IRF9: variants seen among roughly 807,000 people sequenced by gnomAD.
The protein encoded by IRF9 is IFN-alpha-responsive transcription factor subunit.
Under a neutral mutation model 44.1 loss-of-function variants are expected in IRF9, and 13 were observed. The observed-to-expected ratio is 0.29, with a 90% CI of 0.19 to 0.47. The LOEUF is 0.47. Among genes scored for constraint, IRF9 ranks in the 20% least tolerant of loss-of-function variants. IRF9 has a pLI of 1.00. For missense variants in IRF9, 373 were observed against 496.1 expected, an observed-to-expected ratio of 0.75 and a Z score of 2.36; for synonymous variants, 189 against 188.5, an observed-to-expected ratio of 1.00 and a Z score of -0.02.
rs765350851 is a variant in IRF9, at chr14:24,165,919, G to T, written c.1064G>T (p.Ser355Ile). The T allele has an allele frequency of 1.9e-5, 31 of 1,614,060 alleles. No individual in the cohort carries two copies. The highest frequency in any genetic ancestry group is 2.6e-5 in the Non-Finnish European group (31 of 1,180,028). Residue 355 changes from serine to isoleucine, a missense_variant, in exon 8 of 9, where the codon AGC becomes ATC. By Grantham distance (142) the Ser-to-Ile change is moderately radical. Around this residue, in one of 2 missense-constraint regions of IRF9, gnomAD observed 146 missense variants for 240.8 expected, o/e 0.61. Transcript: ENST00000396864. ...GTAACACTGAATTTCTGGGAAGAGA[G>T]CCATGGCTCCAGCCATACTCCACAG... ...FQVTLNFWEESHGSSHTPQNL... is the reference protein window; with the variant it reads ...FQVTLNFWEEIHGSSHTPQNL...
Position 24,163,970 on chromosome 14 carries a change from C to G in IRF9, c.577+11C>G, listed in dbSNP as rs1166126844. 8 of 1,609,102 alleles carry G rather than the reference C, an allele frequency of 5.0e-6. No individual in the cohort carries two copies. Among genetic ancestry groups the G allele is most frequent in the Non-Finnish European group, 6.8e-6 (8 of 1,177,668 alleles). On this transcript the variant is annotated intron_variant, in intron 5 of 8. Coordinates refer to ENST00000396864, the MANE Select transcript of IRF9 (RefSeq NM_006084.5). ...CTGAGCCACAGGAAGGTACCACCTG[C>G]CCTGCCTCTTGTGTCGTCCCCCATG...
chr14:24,165,596 C>A, intron 7 of IRF9: 1 of 557,316 alleles, frequency 1.8e-6, no homozygotes, highest in South Asian at 2.2e-5. Context: ...ACTCTAAACT[C>A]TCCCAGCAGA....
chr14:24,163,312 C>A (rs906246456), intron 3 of IRF9, 66 bp from the exon 4 acceptor site: 7 of 1,579,742 alleles, frequency 4.4e-6, no homozygotes, highest in Non-Finnish European at 5.2e-6. Flanking sequence ...CTGCCTCAGA[C>A]CTCTCCTTCA....
At chr14:24,163,572 G>A in intron 4 of IRF9, 64 bp downstream of exon 4, 1 of 1,556,902 alleles carries the variant, frequency 6.4e-7, no homozygotes, top group South Asian at 1.2e-5. Context: ...GGAGAGGTGG[G>A]CCAATGAAAG....
intron 7 of IRF9, chr14:24,165,221 A>C (rs1034261461): frequency 2.8e-6 from 2 of 702,206 alleles, no homozygotes; most frequent in Non-Finnish European, 5.2e-6. Context: ...CTTGGAGAAC[A>C]CCATCACACT....
At position 24,166,425 on chromosome 14, in the gene IRF9, A is replaced by G. The variant is rs2038524050; in HGVS notation, c.*229A>G. 4 of 578,868 alleles carry G rather than the reference A, an allele frequency of 6.9e-6. No homozygotes were observed. In the East Asian group the frequency reaches 8.6e-5, roughly 12 times the overall value. 35.9% of individuals were successfully genotyped at this position (578,868 alleles called of 1,614,324 possible). A position where few individuals can be genotyped will look rare whatever the true frequency, so the allele number is the denominator to read the frequency against. The stretch of plus-strand genomic sequence containing the variant: ...AGATATACGCCCTCTTTCATCTGTA[A>G]GGGACTAGGAAATTCCAAATGGTGT... On this transcript the variant is annotated 3_prime_UTR_variant, in exon 9 of 9. Coordinates refer to ENST00000396864, the MANE Select transcript of IRF9 (RefSeq NM_006084.5).
chr14:24,163,925 C>T lies in IRF9; in HGVS notation c.543C>T (p.Ser181=). 1 of 1,574,484 alleles carries T rather than the reference C, an allele frequency of 6.4e-7. No individual in the cohort carries two copies. The highest frequency in any genetic ancestry group is 1.7e-4 in the Middle Eastern group (1 of 5,888). Residue 181 remains serine (S), a synonymous_variant, in exon 5 of 9, where the codon AGC becomes AGT. Transcript: ENST00000396864. ...SGGAVHSDIG[S]SSSSSSPEPQ... ...GAGCAGTCCATTCAGACATTGGGAGCAGCAGCAGCAGCAGCAGCCCTGAGC... is the reference window on the plus strand; with the variant it reads ...GAGCAGTCCATTCAGACATTGGGAGTAGCAGCAGCAGCAGCAGCCCTGAGC...
chr14:24,165,988 C>T, intron 8 of IRF9, 26 bp downstream of exon 8: 3 of 1,598,516 alleles, frequency 1.9e-6, no homozygotes, highest in Non-Finnish European at 2.6e-6. Flanking sequence ...GGGTAGAGTA[C>T]CCATCTAATG....
In IRF9 at chr14:24,163,516, A is replaced by G; in HGVS notation, c.495+8A>G. 6.2e-7 allele frequency: 1 copy of G among 1,613,430 alleles called. No individual in the cohort carries two copies. Among genetic ancestry groups the G allele is most frequent in the Non-Finnish European group, 8.5e-7 (1 of 1,179,560 alleles). On this transcript the variant is annotated splice_region_variant and intron_variant, in intron 4 of 8. Coordinates refer to ENST00000396864, the MANE Select transcript of IRF9 (RefSeq NM_006084.5). ...CAGGACTCCCTCAATAATGTAAGAG[A>G]TGGAGAGGGAACTGGGTGGGCCTAA...
In IRF9 at chr14:24,164,322, C is replaced by A; in HGVS notation, c.649+188C>A. On this transcript the variant is annotated intron_variant, in intron 6 of 8. Coordinates refer to ENST00000396864, the MANE Select transcript of IRF9 (RefSeq NM_006084.5). This position sits in a 1 kb window ranked among gnomAD's most constrained non-coding sequence, Gnocchi z 5.2. ...GCCAGACTCCAAAAAGCTTGCTTCC[C>A]AAAAATACCACCCTATACACTCTCC... 1.6e-6 allele frequency: 1 copy of A among 635,270 alleles called. No individual in the cohort carries two copies. The highest frequency in any genetic ancestry group is 2.8e-6 in the Non-Finnish European group (1 of 359,380). 39.4% of individuals were successfully genotyped at this position (635,270 alleles called of 1,614,324 possible).
rs145709755 is a variant in IRF9 at position 24,164,636 on chromosome 14, C to T, written c.672C>T (p.Phe224=). 6.2e-7 allele frequency: 1 copy of T among 1,607,844 alleles called. No individual in the cohort carries two copies. Among genetic ancestry groups the T allele is most frequent in the African/African-American group, 1.3e-5 (1 of 74,856 alleles). Residue 224 remains phenylalanine (F), a synonymous_variant, in exon 7 of 9, where the codon TTC becomes TTT. Transcript: ENST00000396864. This position sits in a 1 kb window ranked among gnomAD's most constrained non-coding sequence, Gnocchi z 5.2. ...PEPDYSLLLT[F]IYNGRVVGEA... ...CAGACTACTCACTGCTGCTCACCTT[C>T]ATCTACAACGGGCGCGTGGTGGGCG... is the stretch of plus-strand genomic sequence containing the variant.
In IRF9 at chr14:24,163,922, G is replaced by GAGCAGC. The variant is rs746378882; in HGVS notation, c.556_561dup (p.Ser186_Ser187dup). ...GGGGAGCAGTCCATTCAGACATTGG[G>GAGCAGC]AGCAGCAGCAGCAGCAGCAGCCCTG... is the stretch of plus-strand genomic sequence containing the variant. On this transcript the variant is annotated inframe_insertion, in exon 5 of 9. Coordinates refer to ENST00000396864, the MANE Select transcript of IRF9 (RefSeq NM_006084.5). The GAGCAGC allele has an allele frequency of 2.5e-6, 4 of 1,604,396 alleles. No individual in the cohort carries two copies. Among genetic ancestry groups the GAGCAGC allele is most frequent in the East Asian group, 2.2e-5 (1 of 44,826 alleles).
In IRF9 at chr14:24,166,443, A is replaced by C. The variant is rs994881887; in HGVS notation, c.*247A>C. ...ATCTGTAAGGGACTAGGAAATTCCA[A>C]ATGGTGTGAACCCAGGGGGCCTTTC... On this transcript the variant is annotated 3_prime_UTR_variant, in exon 9 of 9. Coordinates refer to ENST00000396864, the MANE Select transcript of IRF9 (RefSeq NM_006084.5). 8.9e-6 allele frequency: 5 copies of C among 559,982 alleles called. No individual in the cohort carries two copies. Among genetic ancestry groups the C allele is most frequent in the Non-Finnish European group, 1.6e-5 (5 of 317,962 alleles). 34.7% of individuals were successfully genotyped at this position (559,982 alleles called of 1,614,324 possible).
intron 4 of IRF9, 73 bp from the exon 5 acceptor site, chr14:24,163,805 C>G (rs894865911): frequency 2.0e-6 from 3 of 1,472,910 alleles, no homozygotes; most frequent in Non-Finnish European, 2.7e-6. Context: ...CCACTGCACT[C>G]CAGCCTGGGC....
chr14:24,162,781 G>C (rs1052921875), intron 2 of IRF9, 185 bp from the exon 3 acceptor site: 1 of 570,132 alleles, frequency 1.8e-6, no homozygotes, highest in African/African-American at 1.9e-5. Flanking sequence ...CCTGGTGACA[G>C]AGTGAGACTC....
At chr14:24,163,775 A>G (rs1443045571) in intron 4 of IRF9, 103 bp from the exon 5 acceptor site, 1 of 1,191,772 alleles carries the variant, frequency 8.4e-7, no homozygotes. Context: ...GGGCGGAGAT[A>G]GCAGTGAGCC....
At position 24,163,403 on chromosome 14, in the gene IRF9, A is replaced by G; in HGVS notation, c.390A>G (p.Pro130=). Residue 130 remains proline, a synonymous_variant, in exon 4 of 9, where the codon CCA becomes CCG. Coordinates refer to ENST00000396864, the MANE Select transcript of IRF9 (RefSeq NM_006084.5). ...VSGQPGTQKV[P]SKRQHSSVSS... is the part of the protein sequence containing the mutation. ...GCCAGCCAGGGACTCAGAAAGTACC[A>G]TCAAAGCGACAGCACAGTTCTGTGT... The G allele has an allele frequency of 6.2e-7, 1 of 1,614,150 alleles. No individual in the cohort carries two copies. The highest frequency in any genetic ancestry group is 1.3e-5 in the African/African-American group (1 of 75,062).
In IRF9 at chr14:24,162,212, G is replaced by A. The variant is rs2038466273; in HGVS notation, c.68G>A (p.Gly23Glu). The change falls in exon 2 of 9, where the codon GGG becomes GAG. Residue 23 changes from glycine to glutamate, a missense_variant. Transcript: ENST00000396864. ...TGGGTGGTGGAGCAAGTGGAGAGTG[G>A]GCAGTTTCCCGGAGTGTGCTGGGAT... ...RNWVVEQVES[G>E]QFPGVCWDDT... The A allele has an allele frequency of 1.9e-6, 3 of 1,614,146 alleles. No individual in the cohort carries two copies. Among genetic ancestry groups the A allele is most frequent in the South Asian group, 1.1e-5 (1 of 91,084 alleles).
In IRF9 at chr14:24,162,040, C is replaced by T. The variant is rs77002537; in HGVS notation, c.-1-104C>T. 2,423 of 1,057,830 alleles carry T rather than the reference C, an allele frequency of 2.3e-3. 44 individuals are homozygous for T. In the African/African-American group the frequency reaches 0.034, roughly 15 times the overall value. 65.5% of individuals were successfully genotyped at this position (1,057,830 alleles called of 1,614,324 possible). On this transcript the variant is annotated intron_variant, in intron 1 of 8. Transcript: ENST00000396864. ...GGAGCTAAAAGAAGATGGATGGGAT[C>T]TCTGGGACCTGTTGCCAGAATCTAG... is the stretch of plus-strand genomic sequence containing the variant.
Sources: allele counts gnomAD v4.1 joint callset, GRCh38; gene constraint gnomAD v4.1.1; regional missense constraint gnomAD v4.1.1; non-coding constraint Gnocchi (gnomAD v3.1); transcripts MANE v1.5; gene names NCBI Gene and HGNC (gene_info 2026-07-23, HGNC 2026-07-21).